DENND4A: variants seen among roughly 807,000 people sequenced by gnomAD.
The protein encoded by DENND4A is DENN domain containing 4A, also known as C-myc promoter-binding protein.
DENND4A carries 70 observed loss-of-function variants against 199.3 expected under a neutral mutation model. The observed-to-expected ratio is 0.35, with a 90% CI of 0.29 to 0.43. The LOEUF (loss-of-function observed/expected upper bound fraction) is 0.43. Among genes scored for constraint, DENND4A ranks in the 20% least tolerant of loss-of-function variants. The pLI is 1.00. For missense variants in DENND4A, 1,723 were observed against 2,255.8 expected (o/e 0.76, Z 4.78); for synonymous variants, 686 against 766.9 (o/e 0.89, Z 1.74).
At chr15:65,685,488 A>G (rs1037092339) in intron 23 of DENND4A, among the ~76,000 whole-genome samples, 10 of 152,214 alleles carry the variant, frequency 6.6e-5, no homozygotes, top group Non-Finnish European at 1.5e-4. Flanking sequence ...ATGCTTGTAT[A>G]TAAGTTGAGT....
intron 12 of DENND4A, 54 bp downstream of exon 12, chr15:65,722,794 T>C: frequency 1.5e-6 from 2 of 1,312,384 alleles, no homozygotes; most frequent in South Asian, 1.6e-5. Flanking sequence ...GGCAAAGTAA[T>C]TGGAGTCCCT....
intron 14 of DENND4A, among the ~76,000 whole-genome samples, chr15:65,714,347 A>G (rs527790399): frequency 2.2e-4 from 34 of 151,694 alleles, no homozygotes; most frequent in African/African-American, 7.5e-4. Context: ...TGGGAGGCGG[A>G]GCTTGCAGTG....
chr15:65,704,516 G>A (rs1368769246), intron 15 of DENND4A, among the ~76,000 whole-genome samples: 1 of 152,140 alleles, frequency 6.6e-6, no homozygotes, highest in Non-Finnish European at 1.5e-5. Context: ...GGGACCACAG[G>A]TGTGCAGCAC....
At chr15:65,771,479 T>C (rs1230883933) in intron 1 of DENND4A, 23 of 1,609,562 alleles carry the variant, frequency 1.4e-5, no homozygotes, top group Non-Finnish European at 2.0e-5. Context: ...AGATCTGGGA[T>C]AGAAGGAATA....
intron 20 of DENND4A, among the ~76,000 whole-genome samples, chr15:65,698,726 CTTTTTTTTTTTTTT>C (rs71139423): frequency 8.2e-5 from 6 of 72,746 alleles, no homozygotes; most frequent in Admixed American, 1.7e-4. Context: ...TTAAGATAGC[CTTTTTTTTTTTTTT>C]TTTTTTTTTT....
intron 30 of DENND4A, chr15:65,664,928 A>C: frequency 1.9e-6 from 1 of 513,764 alleles, no homozygotes; most frequent in African/African-American, 2.0e-5. Flanking sequence ...TGTGGTCTTA[A>C]ATAGACAATA....
chr15:65,729,598 T>C lies in DENND4A; in HGVS notation c.1247A>G (p.His416Arg), dbSNP rs1350121336. 6.3e-7 allele frequency: 1 copy of C among 1,594,972 alleles called. No individual in the cohort carries two copies. The highest frequency in any genetic ancestry group is 2.3e-5 in the East Asian group (1 of 44,256). ...VTLLVFAVTE[H>R]KILIHSLRPS... ...CCGTAGGGAATGGATAAGAATTTTA[T>C]GTTCTGTTACTGCAAACACCAGTAG... The change falls in exon 10 of 33, where the codon CAT (histidine) becomes CGT (arginine). Residue 416 changes from histidine to arginine, a missense_variant. His to Arg is a conservative substitution (Grantham distance 29). Transcript: ENST00000443035.
chr15:65,789,511 A>G (rs1344459813), intron 1 of DENND4A, among the ~76,000 whole-genome samples: 2 of 79,498 alleles, frequency 2.5e-5, no homozygotes, highest in African/African-American at 4.2e-5. Context: ...TATTAGATTA[A>G]AAAAAAAAAA....
chr15:65,723,480 T>G (rs1288492560), intron 11 of DENND4A, among the ~76,000 whole-genome samples: 1 of 152,180 alleles, frequency 6.6e-6, no homozygotes, highest in Non-Finnish European at 1.5e-5. Flanking sequence ...AGAAATAACC[T>G]ATTATACTAA....
chr15:65,739,321 C>T (rs1045010148), intron 5 of DENND4A, among the ~76,000 whole-genome samples: 4 of 152,086 alleles, frequency 2.6e-5, no homozygotes, highest in African/African-American at 7.2e-5. Flanking sequence ...AGCACAAATA[C>T]AGGAAAATTT....
At chr15:65,663,428 C>T (rs1279655794) in intron 32 of DENND4A, among the ~76,000 whole-genome samples, 1 of 151,826 alleles carries the variant, frequency 6.6e-6, no homozygotes, top group Non-Finnish European at 1.5e-5. Flanking sequence ...AGGCTTGCCT[C>T]GAACTCCTGA....
intron 14 of DENND4A, among the ~76,000 whole-genome samples, chr15:65,713,211 C>T (rs1407790052): frequency 6.6e-6 from 1 of 152,190 alleles, no homozygotes; most frequent in African/African-American, 2.4e-5. Flanking sequence ...AGTCTTCTTA[C>T]TTCACTTTAG....
In DENND4A at chr15:65,702,489, AT is replaced by A; in HGVS notation, c.2245del (p.Ile749LeufsTer32). The A allele has an allele frequency of 6.3e-7, 1 of 1,590,692 alleles. No individual in the cohort carries two copies. The highest frequency in any genetic ancestry group is 8.6e-7 in the Non-Finnish European group (1 of 1,168,098). On this transcript the variant is annotated frameshift_variant, in exon 17 of 33. Transcript: ENST00000443035. LOFTEE classifies it high-confidence loss of function. ...AGGGATGGAAGAGTACCTCTTTGCAATTTTATGGGCTGATTTAATTTCCTGG... is the reference window on the plus strand; with the variant it reads ...AGGGATGGAAGAGTACCTCTTTGCAATTTATGGGCTGATTTAATTTCCTGG... ...TKQEIKSAHK[I>X]AKRYSSIPQM...
chr15:65,771,062 T>G, intron 1 of DENND4A: 1 of 1,045,546 alleles, frequency 9.6e-7, no homozygotes, highest in Non-Finnish European at 1.4e-6. Flanking sequence ...AACCAACTAT[T>G]CAGTTTAATT....
intron 24 of DENND4A, among the ~76,000 whole-genome samples, chr15:65,675,713 G>A (rs894962674): frequency 6.6e-6 from 1 of 152,086 alleles, no homozygotes; most frequent in Non-Finnish European, 1.5e-5. Context: ...CCTATCAGAT[G>A]GTAAAAATCC....
In DENND4A at chr15:65,791,600, C is replaced by G. The variant is rs567083042; in HGVS notation, c.-102+410G>C. On this transcript the variant is annotated intron_variant, in intron 1 of 32. Coordinates refer to ENST00000443035, the MANE Select transcript of DENND4A (RefSeq NM_001320835.1). Reference sequence around the variant, plus strand: ...GCCTGCAGGCACCCCGGGCTCCCCCCGCCGCCTGTCTCAGATACCGAGCAG... The same window carrying G: ...GCCTGCAGGCACCCCGGGCTCCCCCGGCCGCCTGTCTCAGATACCGAGCAG... Among the ~76,000 whole-genome samples, 19 of 152,262 alleles carry G rather than the reference C, an allele frequency of 1.2e-4. No individual in the cohort carries two copies. In the South Asian group the frequency reaches 3.9e-3, roughly 32 times the overall value.
intron 1 of DENND4A, among the ~76,000 whole-genome samples, chr15:65,772,803 C>A (rs2077171797): frequency 1.4e-5 from 2 of 147,960 alleles, no homozygotes; most frequent in South Asian, 2.2e-4. Flanking sequence ...TGCACTCATG[C>A]AGAATTTGAA....
intron 1 of DENND4A, among the ~76,000 whole-genome samples, chr15:65,765,500 C>T (rs1233674767): frequency 6.6e-6 from 1 of 152,172 alleles, no homozygotes; most frequent in African/African-American, 2.4e-5. Flanking sequence ...CCTTTCACCC[C>T]GTTTTCTTCA....
At chr15:65,692,585 G>T (rs1407081955) in intron 22 of DENND4A, among the ~76,000 whole-genome samples, 2 of 152,098 alleles carry the variant, frequency 1.3e-5, no homozygotes, top group Non-Finnish European at 2.9e-5. Context: ...GGATACTAGA[G>T]GTCATAAAAG....
Sources: gnomAD v4.1 joint callset for allele counts (sites outside exome capture counted in the v4.1 genomes callset) on GRCh38, gnomAD v4.1.1 for gene constraint, MANE v1.5 for transcripts, NCBI Gene and HGNC (gene_info 2026-07-23, HGNC 2026-07-21) for gene names.